The following SLC24A3 variants were observed in gnomAD, a reference collection of about 807,000 sequenced individuals.
The protein encoded by SLC24A3 is solute carrier family 24 member 3, also known as sodium/potassium/calcium exchanger 3.
In SLC24A3, 28 loss-of-function variants were observed where a neutral mutation model predicts 75.8. The observed-to-expected ratio is 0.37, with a 90% CI of 0.27 to 0.51. The LOEUF is 0.51. Ranked by LOEUF, SLC24A3 falls within the 20% of genes least tolerant of loss-of-function variation. SLC24A3 has a pLI of 0.94. For missense variants in SLC24A3, 663 were observed against 847.8 expected (o/e 0.78, Z 2.71); for synonymous variants, 372 against 334.1 (o/e 1.11, Z -1.24).
intron 1 of SLC24A3, among the ~76,000 whole-genome samples, chr20:19,252,649 G>C (rs968508236): frequency 6.7e-6 from 1 of 148,696 alleles, no homozygotes; most frequent in African/African-American, 2.5e-5. Context: ...ATGGCGGGGG[G>C]GGGTGCCTGT....
chr20:19,342,863 G>T (rs552698348), intron 2 of SLC24A3, among the ~76,000 whole-genome samples: 1 of 152,192 alleles, frequency 6.6e-6, no homozygotes, highest in African/African-American at 2.4e-5. Flanking sequence ...GAGGTGAGGA[G>T]ATTGAGACCA....
intron 2 of SLC24A3, among the ~76,000 whole-genome samples, chr20:19,511,519 G>A (rs1422169332): frequency 2.0e-5 from 3 of 151,930 alleles, no homozygotes. Flanking sequence ...AGTAGAGACA[G>A]GGTTTCACCG....
At chr20:19,481,353 T>C (rs1269755701) in intron 2 of SLC24A3, among the ~76,000 whole-genome samples, 1 of 152,170 alleles carries the variant, frequency 6.6e-6, no homozygotes, top group East Asian at 1.9e-4. Flanking sequence ...TACAGCCCTG[T>C]GAAGTGTATG....
In SLC24A3 at chr20:19,590,495, G is replaced by A. The variant is rs540654316; in HGVS notation, c.612+4951G>A. ...ATAGTGCTGCCAAACCTAAAAATAG[G>A]GGCTGGAGGCCTAACATCCATTCCA... is the stretch of plus-strand genomic sequence containing the variant. On this transcript the variant is annotated intron_variant, in intron 6 of 16. Transcript: ENST00000328041. 3.7e-4 allele frequency among the ~76,000 whole-genome samples: 56 copies of A among 152,256 alleles called. 1 individual carries two copies. The highest frequency in any genetic ancestry group is 3.1e-3 in the Admixed American group (47 of 15,296).
At chr20:19,254,701 A>G (rs751041950) in intron 1 of SLC24A3, among the ~76,000 whole-genome samples, 4 of 152,198 alleles carry the variant, frequency 2.6e-5, no homozygotes, top group Admixed American at 6.5e-5. Context: ...CTAGAAGGCG[A>G]GATTCCAGAG....
intron 2 of SLC24A3, among the ~76,000 whole-genome samples, chr20:19,446,695 A>G (rs926584060): frequency 1.3e-5 from 2 of 152,224 alleles, no homozygotes; most frequent in Admixed American, 1.3e-4. Flanking sequence ...CAGCTTTGCC[A>G]CTAGCCAGCT....
chr20:19,688,452 A>G (rs1410878642), intron 12 of SLC24A3, among the ~76,000 whole-genome samples: 2 of 152,254 alleles, frequency 1.3e-5, no homozygotes, highest in Admixed American at 6.5e-5. Flanking sequence ...CTCCATTTTA[A>G]GGCAAGGGGA....
chr20:19,274,814 C>G (rs1425008401), intron 1 of SLC24A3, among the ~76,000 whole-genome samples: 1 of 152,184 alleles, frequency 6.6e-6, no homozygotes, highest in Non-Finnish European at 1.5e-5. Context: ...CTTATGCAAA[C>G]CTGACCTCCA....
At position 19,443,848 on chromosome 20, in the gene SLC24A3, T is replaced by C. The variant is rs1022763947; in HGVS notation, c.272-71640T>C. ...TGCTCTACCCATAATTGCCTTGGCA[T>C]CCACTCTTCCTTGTTTAAGGCTTTT... On this transcript the variant is annotated intron_variant, in intron 2 of 16. Transcript: ENST00000328041. 3.3e-5 allele frequency among the ~76,000 whole-genome samples: 5 copies of C among 152,318 alleles called. No individual in the cohort carries two copies. The South Asian group carries it at 6.2e-4, about 19-fold the overall frequency.
chr20:19,717,402 T>G, intron 15 of SLC24A3, 126 bp from the exon 16 acceptor site: 1 of 870,178 alleles, frequency 1.1e-6, no homozygotes. Context: ...TGTTGCTTTT[T>G]CATTCTAGAG....
intron 2 of SLC24A3, among the ~76,000 whole-genome samples, chr20:19,457,298 C>T (rs184890325): frequency 2.0e-5 from 3 of 152,182 alleles, no homozygotes; most frequent in African/African-American, 7.2e-5. Context: ...TAACCTGGGG[C>T]AAATCATGTT....
chr20:19,486,559 C>T (rs917683332), intron 2 of SLC24A3, among the ~76,000 whole-genome samples: 2 of 152,214 alleles, frequency 1.3e-5, no homozygotes, highest in Admixed American at 1.3e-4. Context: ...GCCATGGCCC[C>T]ACACCCAACC....
At chr20:19,421,723 GA>G (rs1205367949) in intron 2 of SLC24A3, among the ~76,000 whole-genome samples, 1 of 152,232 alleles carries the variant, frequency 6.6e-6, no homozygotes, top group Non-Finnish European at 1.5e-5. Context: ...AAAGTGGGGG[GA>G]CAGAGACTCT....
At chr20:19,232,325 A>G (rs2075378392) in intron 1 of SLC24A3, among the ~76,000 whole-genome samples, 1 of 152,198 alleles carries the variant, frequency 6.6e-6, no homozygotes, top group African/African-American at 2.4e-5. Flanking sequence ...ATTTTTATGA[A>G]TAAAATAAGA....
At chr20:19,226,315 T>C (rs749904446) in intron 1 of SLC24A3, among the ~76,000 whole-genome samples, 1 of 152,170 alleles carries the variant, frequency 6.6e-6, no homozygotes, top group African/African-American at 2.4e-5. Context: ...TGGATTTGAT[T>C]GATCATATTC....
chr20:19,269,207 G>C (rs78230269), intron 1 of SLC24A3, among the ~76,000 whole-genome samples: 3,851 of 152,296 alleles, frequency 0.025, 76 homozygotes, highest in Non-Finnish European at 0.035. Flanking sequence ...TACCATGTTG[G>C]ACAGTGCAAA....
At chr20:19,543,997 G>C (rs939769412) in intron 3 of SLC24A3, among the ~76,000 whole-genome samples, 1 of 152,120 alleles carries the variant, frequency 6.6e-6, no homozygotes, top group African/African-American at 2.4e-5. Context: ...ACTCTTCTTT[G>C]TCAGGTGAAG....
In SLC24A3 at chr20:19,337,059, T is replaced by G. The variant is rs182275642; in HGVS notation, c.271+55972T>G. ...TTCATATGAGAATATTAAATCCCAATTCTTGTGTGTGGCTGCTGAGATAAT... is the reference window on the plus strand; with the variant it reads ...TTCATATGAGAATATTAAATCCCAAGTCTTGTGTGTGGCTGCTGAGATAAT... On this transcript the variant is annotated intron_variant, in intron 2 of 16. Transcript: ENST00000328041. Among the ~76,000 whole-genome samples, 480 of 152,258 alleles carry G rather than the reference T, an allele frequency of 3.2e-3. 4 individuals carry two copies. Among genetic ancestry groups the G allele is most frequent in the Non-Finnish European group, 1.9e-3 (129 of 68,020 alleles).
intron 2 of SLC24A3, among the ~76,000 whole-genome samples, chr20:19,355,972 A>G (rs1403804501): frequency 6.6e-6 from 1 of 152,102 alleles, no homozygotes; most frequent in African/African-American, 2.4e-5. Context: ...TGCTCAATTC[A>G]CTTTAGAGAC....
Sources: allele counts gnomAD v4.1 joint callset (sites outside exome capture counted in the v4.1 genomes callset), GRCh38; gene constraint gnomAD v4.1.1; transcripts MANE v1.5; gene names NCBI Gene and HGNC (gene_info 2026-07-23, HGNC 2026-07-21).